The following AGPAT3 variants were observed in gnomAD, a reference collection of about 807,000 sequenced individuals.
AGPAT3 encodes the protein 1-acylglycerol-3-phosphate O-acyltransferase 3.
AGPAT3 carries 5 observed loss-of-function variants against 47.3 expected under a neutral mutation model. The observed-to-expected ratio is 0.11, with a 90% CI of 0.06 to 0.22. The LOEUF (loss-of-function observed/expected upper bound fraction) is 0.22. Ranked by LOEUF, AGPAT3 falls within the 10% of genes least tolerant of loss-of-function variation. The probability of loss-of-function intolerance (pLI) is 1.00; values close to 1 mark genes in which losing one functional copy is unlikely to be tolerated. For synonymous variants in AGPAT3, 212 were observed against 208.3 expected (o/e 1.02, Z -0.15); for missense variants, 315 against 493.0 (o/e 0.64, Z 3.42).
chr21:43,981,657 C>T lies in AGPAT3; in HGVS notation c.1042+470C>T, dbSNP rs543932177. Among the ~76,000 whole-genome samples, 25 of 152,242 alleles carry T rather than the reference C, an allele frequency of 1.6e-4. No homozygotes were observed. Among genetic ancestry groups the T allele is most frequent in the Admixed American group, 6.5e-4 (10 of 15,306 alleles). On this transcript the variant is annotated intron_variant, in intron 9 of 9. Transcript: ENST00000291572. The surrounding 1 kb of genome is among the most constrained non-coding windows in gnomAD (Gnocchi z 5.3). ...CACGACTCATCAGCTAGCCTGGGGC[C>T]GAACAGACACCCAGCCTGTCCCTGT...
At position 43,971,447 on chromosome 21, in the gene AGPAT3, G is replaced by A. The variant is rs760049505; in HGVS notation, c.724G>A (p.Gly242Arg). Residue 242 changes from glycine (G) to arginine (R), a missense_variant, in exon 7 of 10, where the codon GGG (glycine) becomes AGG (arginine). By Grantham distance (125) the Gly-to-Arg change is moderately radical. Coordinates refer to ENST00000291572, the MANE Select transcript of AGPAT3 (RefSeq NM_020132.5). The stretch of plus-strand genomic sequence containing the variant: ...AGGAAACAAGAACCCGTCCCTGCTG[G>A]GGATCCTCTACGGGAAGAAGTACGA... ...FRGNKNPSLL[G>R]ILYGKKYEAD... 4.3e-6 allele frequency: 7 copies of A among 1,614,230 alleles called. No homozygotes were observed. In the Admixed American group the frequency reaches 1.0e-4, roughly 23 times the overall value.
Position 43,959,661 on chromosome 21 carries a change from C to T in AGPAT3, c.-21C>T, listed in dbSNP as rs780316604. 5.6e-6 allele frequency: 9 copies of T among 1,610,648 alleles called. No homozygotes were observed. In the Admixed American group the frequency reaches 1.0e-4, roughly 18 times the overall value. On this transcript the variant is annotated 5_prime_UTR_variant, in exon 3 of 10. Transcript: ENST00000291572. ...CGGCTGTCCTCAGCGAGGGGCCGTG[C>T]ACCCGCTCCTGAGCAGCGCCATGGG... is the stretch of plus-strand genomic sequence containing the variant.
chr21:43,876,483 G>T (rs2085736230), intron 1 of AGPAT3, among the ~76,000 whole-genome samples: 1 of 152,218 alleles, frequency 6.6e-6, no homozygotes, highest in Non-Finnish European at 1.5e-5. Context: ...AGGAGTCCAG[G>T]AGTGGGACTG....
At chr21:43,935,183 G>A (rs145766320) in intron 2 of AGPAT3, among the ~76,000 whole-genome samples, 3 of 152,402 alleles carry the variant, frequency 2.0e-5, no homozygotes, top group South Asian at 4.1e-4. Context: ...GCCGTGCCGC[G>A]CTAGCACGCT....
At chr21:43,906,945 G>T (rs1017589535) in intron 2 of AGPAT3, among the ~76,000 whole-genome samples, 2 of 152,196 alleles carry the variant, frequency 1.3e-5, no homozygotes, top group African/African-American at 4.8e-5. Context: ...CTGGCAGGGG[G>T]AACAGGAAGG....
chr21:43,985,430 A>G lies in AGPAT3; in HGVS notation c.*3038A>G. On this transcript the variant is annotated 3_prime_UTR_variant, in exon 10 of 10. Transcript: ENST00000291572. ...AAAAAAAAGCACGTCCTGTCGATGAATTTTGAGTCTCTCTGCCTTGCCTGT... is the reference window on the plus strand; with the variant it reads ...AAAAAAAAGCACGTCCTGTCGATGAGTTTTGAGTCTCTCTGCCTTGCCTGT... 1 of 334,064 alleles carries G rather than the reference A, an allele frequency of 3.0e-6. No homozygotes were observed. The highest frequency in any genetic ancestry group is 5.8e-6 in the Non-Finnish European group (1 of 171,240). The allele number at this position is 334,064 out of a possible 1,614,324, so 20.7% of individuals were successfully genotyped here. A position where few individuals can be genotyped will look rare whatever the true frequency, so the allele number is the denominator to read the frequency against.
intron 1 of AGPAT3, among the ~76,000 whole-genome samples, chr21:43,897,520 C>T (rs952019277): frequency 1.7e-4 from 24 of 138,342 alleles, no homozygotes; most frequent in African/African-American, 5.3e-4. Flanking sequence ...ACAGGGCGGC[C>T]GGGCAGAGGC....
At chr21:43,887,575 C>T (rs879839581) in intron 1 of AGPAT3, among the ~76,000 whole-genome samples, 1 of 152,216 alleles carries the variant, frequency 6.6e-6, no homozygotes, top group Non-Finnish European at 1.5e-5. Context: ...GGAATAAAAG[C>T]GTGCGCACAC....
intron 4 of AGPAT3, 142 bp from the exon 5 acceptor site, chr21:43,968,976 T>C (rs2089274901): frequency 6.0e-6 from 5 of 836,400 alleles, no homozygotes; most frequent in South Asian, 2.0e-5. Context: ...CGGGTCCTGC[T>C]TCACAGCAGA....
At chr21:43,962,395 T>C (rs951760395) in intron 3 of AGPAT3, among the ~76,000 whole-genome samples, 1 of 152,196 alleles carries the variant, frequency 6.6e-6, no homozygotes, top group African/African-American at 2.4e-5. Flanking sequence ...AAATGAGTTA[T>C]TCATGAGTAT....
chr21:43,910,195 C>T (rs1569059224), intron 2 of AGPAT3, among the ~76,000 whole-genome samples: 1 of 152,210 alleles, frequency 6.6e-6, no homozygotes, highest in South Asian at 2.1e-4. Flanking sequence ...GTGCTCCTGG[C>T]CTCTTTCTGG....
At chr21:43,919,601 A>G (rs945371335) in intron 2 of AGPAT3, among the ~76,000 whole-genome samples, 3 of 152,182 alleles carry the variant, frequency 2.0e-5, no homozygotes, top group Non-Finnish European at 4.4e-5. Context: ...CTTGCTGCAA[A>G]CATGCATATG....
intron 1 of AGPAT3, among the ~76,000 whole-genome samples, chr21:43,869,816 G>A (rs1198056526): frequency 6.6e-6 from 1 of 152,188 alleles, no homozygotes; most frequent in Non-Finnish European, 1.5e-5. Flanking sequence ...CCTTGAAGCG[G>A]CTTTCTCTGG....
At chr21:43,928,745 T>C (rs913764490) in intron 2 of AGPAT3, among the ~76,000 whole-genome samples, 1 of 152,242 alleles carries the variant, frequency 6.6e-6, no homozygotes, top group African/African-American at 2.4e-5. Context: ...CACTCGCTAC[T>C]GGAGACGTCA....
In AGPAT3 at chr21:43,982,285, C is replaced by T. The variant is rs909221341; in HGVS notation, c.1043-19C>T. On this transcript the variant is annotated intron_variant, in intron 9 of 9. Coordinates refer to ENST00000291572, the MANE Select transcript of AGPAT3 (RefSeq NM_020132.5). The surrounding 1 kb of genome is among the most constrained non-coding windows in gnomAD (Gnocchi z 6.2). ...AAGTCATCCGTCTCACCTCTTCTCT[C>T]TCTCTCCTGTCTTGAAAGCTTCCTT... The T allele has an allele frequency of 5.0e-6, 8 of 1,596,850 alleles. No individual in the cohort carries two copies. The highest frequency in any genetic ancestry group is 1.7e-4 in the Middle Eastern group (1 of 6,038).
At chr21:43,869,922 A>G (rs2085585410) in intron 1 of AGPAT3, among the ~76,000 whole-genome samples, 1 of 152,144 alleles carries the variant, frequency 6.6e-6, no homozygotes, top group Admixed American at 6.5e-5. Flanking sequence ...CCCAGGCTGG[A>G]CTCAAACTAT....
intron 3 of AGPAT3, among the ~76,000 whole-genome samples, chr21:43,961,492 GTGAA>G (rs1222153086): frequency 1.6e-5 from 2 of 125,270 alleles, no homozygotes; most frequent in African/African-American, 6.0e-5. Context: ...ATGGAAAACA[GTGAA>G]CGCGTAGACA....
chr21:43,935,607 C>T (rs1335374441), intron 2 of AGPAT3, among the ~76,000 whole-genome samples: 1 of 152,238 alleles, frequency 6.6e-6, no homozygotes, highest in African/African-American at 2.4e-5. Flanking sequence ...CACAGATGCT[C>T]ACTGCTCGGT....
At chr21:43,936,714 G>T (rs185049319) in intron 2 of AGPAT3, among the ~76,000 whole-genome samples, 2 of 152,302 alleles carry the variant, frequency 1.3e-5, no homozygotes, top group Admixed American at 1.3e-4. Flanking sequence ...TTTCCCGACC[G>T]CAGCTCTTGG....
Sources: gnomAD v4.1 joint callset for allele counts (sites outside exome capture counted in the v4.1 genomes callset) on GRCh38, gnomAD v4.1.1 for gene constraint, Gnocchi (gnomAD v3.1) non-coding constraint, MANE v1.5 for transcripts, NCBI Gene and HGNC (gene_info 2026-07-23, HGNC 2026-07-21) for gene names.